GTF2IRD1: variants seen among roughly 807,000 people sequenced by gnomAD.
The protein encoded by GTF2IRD1 is general transcription factor II-I repeat domain-containing protein 1.
GTF2IRD1 carries 26 observed loss-of-function variants against 113.2 expected under a neutral mutation model. That is an observed-to-expected ratio of 0.23 (90% CI 0.17 to 0.32). The LOEUF (loss-of-function observed/expected upper bound fraction) is 0.32. Ranked by LOEUF, GTF2IRD1 falls within the 10% of genes least tolerant of loss-of-function variation. The probability of loss-of-function intolerance (pLI) is 1.00; values close to 1 mark genes in which losing one functional copy is unlikely to be tolerated. For synonymous variants in GTF2IRD1, 484 were observed against 529.1 expected, an observed-to-expected ratio of 0.91 and a Z score of 1.17; for missense variants, 864 against 1,280.8, an observed-to-expected ratio of 0.67 and a Z score of 4.97.
intron 1 of GTF2IRD1, among the ~76,000 whole-genome samples, chr7:74,455,251 C>T (rs1584430166): frequency 2.0e-5 from 3 of 152,328 alleles, no homozygotes; most frequent in East Asian, 3.9e-4. Context: ...AGGGGTACCC[C>T]GGGATGGCCC....
At chr7:74,480,859 G>A (rs1226597525) in intron 1 of GTF2IRD1, among the ~76,000 whole-genome samples, 1 of 152,176 alleles carries the variant, frequency 6.6e-6, no homozygotes, top group Non-Finnish European at 1.5e-5. Flanking sequence ...GAGCTGAGAG[G>A]AGACAGCCCC....
At chr7:74,540,473 CG>C (rs1426872160) in intron 14 of GTF2IRD1, among the ~76,000 whole-genome samples, 1 of 151,436 alleles carries the variant, frequency 6.6e-6, no homozygotes, top group Non-Finnish European at 1.5e-5. Flanking sequence ...CAAGGCCCAG[CG>C]TCCTTCCCAG....
intron 8 of GTF2IRD1, among the ~76,000 whole-genome samples, chr7:74,525,050 AC>A (rs1554346942): frequency 6.6e-6 from 1 of 152,008 alleles, no homozygotes; most frequent in Non-Finnish European, 1.5e-5. Context: ...AAAAAAACAA[AC>A]AAAACAGATT....
chr7:74,481,998 G>C (rs1041322703), intron 1 of GTF2IRD1, among the ~76,000 whole-genome samples: 3 of 152,074 alleles, frequency 2.0e-5, no homozygotes, highest in Non-Finnish European at 4.4e-5. Flanking sequence ...CACAGGTGTG[G>C]GGTTTTGTCT....
intron 22 of GTF2IRD1, among the ~76,000 whole-genome samples, chr7:74,588,110 T>TC (rs1173450312): frequency 1.3e-4 from 19 of 148,166 alleles, no homozygotes; most frequent in African/African-American, 4.4e-4. Context: ...TCTTTTCTTT[T>TC]TTTTTTTTTT....
At chr7:74,496,266 ATGTGAGTGGGTATGCG>A (rs1370749292) in intron 1 of GTF2IRD1, among the ~76,000 whole-genome samples, 2 of 124,908 alleles carry the variant, frequency 1.6e-5, no homozygotes, top group African/African-American at 3.1e-5. Context: ...GTGTGTATGC[ATGTGAGTGGGTATGCG>A]TGTGTATGTG....
At chr7:74,498,687 G>A (rs1187837428) in intron 1 of GTF2IRD1, among the ~76,000 whole-genome samples, 2 of 149,738 alleles carry the variant, frequency 1.3e-5, no homozygotes, top group African/African-American at 2.5e-5. Flanking sequence ...CTGTGCCTGC[G>A]CGAGCTTCTC....
At chr7:74,560,981 TC>T (rs1799922642) in intron 22 of GTF2IRD1, among the ~76,000 whole-genome samples, 1 of 152,110 alleles carries the variant, frequency 6.6e-6, no homozygotes, top group Non-Finnish European at 1.5e-5. Context: ...TGCAGGGTGA[TC>T]CCAAACCCAG....
intron 1 of GTF2IRD1, among the ~76,000 whole-genome samples, chr7:74,461,445 G>A (rs2044858592): frequency 1.3e-5 from 2 of 152,120 alleles, no homozygotes; most frequent in Non-Finnish European, 2.9e-5. Context: ...AAGCAAGTCC[G>A]TATCTTTTCG....
intron 1 of GTF2IRD1, among the ~76,000 whole-genome samples, chr7:74,490,542 A>AGCCCCC: frequency 7.7e-6 from 1 of 129,900 alleles, no homozygotes; most frequent in African/African-American, 2.8e-5. Flanking sequence ...GAGAAAGGAT[A>AGCCCCC]CCCCCCCCCC....
chr7:74,477,882 GTGT>G (rs1562782966), intron 1 of GTF2IRD1, among the ~76,000 whole-genome samples: 1 of 152,158 alleles, frequency 6.6e-6, no homozygotes. Flanking sequence ...TTCCTCATCC[GTGT>G]TGTTCTGAGA....
chr7:74,592,081 AATT>A (rs1458555912), intron 24 of GTF2IRD1, among the ~76,000 whole-genome samples: 1 of 151,882 alleles, frequency 6.6e-6, no homozygotes, highest in Non-Finnish European at 1.5e-5. Flanking sequence ...TATATTTTTA[AATT>A]ATTATTTTAT....
intron 2 of GTF2IRD1, among the ~76,000 whole-genome samples, chr7:74,509,943 G>A (rs1012076246): frequency 3.3e-5 from 5 of 152,250 alleles, no homozygotes; most frequent in Admixed American, 3.3e-4. Context: ...TCAAAGTGCT[G>A]GGATTACAGG....
intron 1 of GTF2IRD1, among the ~76,000 whole-genome samples, chr7:74,456,539 C>T (rs1792986642): frequency 6.6e-6 from 1 of 152,034 alleles, no homozygotes; most frequent in African/African-American, 2.4e-5. Flanking sequence ...AAAAATTAGC[C>T]AGGCGTGGTG....
At chr7:74,547,381 C>T (rs1799005941) in intron 17 of GTF2IRD1, 95 bp downstream of exon 17, 4 of 927,152 alleles carry the variant, frequency 4.3e-6, no homozygotes, top group Non-Finnish European at 1.7e-6. Context: ...AATTCTTGTG[C>T]CTCAGCCACC....
intron 1 of GTF2IRD1, among the ~76,000 whole-genome samples, chr7:74,461,142 G>A (rs1554329108): frequency 6.6e-6 from 1 of 152,212 alleles, no homozygotes; most frequent in Non-Finnish European, 1.5e-5. Context: ...GGATGCCACA[G>A]CATGGGTGTG....
rs1019460874 is a variant in GTF2IRD1 at position 74,458,704 on chromosome 7, G to C, written c.-7+4528G>C. 4.6e-5 allele frequency among the ~76,000 whole-genome samples: 7 copies of C among 150,678 alleles called. No individual in the cohort carries two copies. In the East Asian group the frequency reaches 1.4e-3, roughly 29 times the overall value. ...GAGTCTTGCTTTGTTGCCCACGCTG[G>C]AGTGCAGTGGCACGATCCCAACTCA... On this transcript the variant is annotated intron_variant, in intron 1 of 26. Coordinates refer to ENST00000424337, the MANE Select transcript of GTF2IRD1 (RefSeq NM_005685.4).
At chr7:74,481,691 ACCTACT>A (rs751019717) in intron 1 of GTF2IRD1, among the ~76,000 whole-genome samples, 61 of 152,246 alleles carry the variant, frequency 4.0e-4, no homozygotes, top group Non-Finnish European at 6.9e-4. Context: ...GGTTGCCTGC[ACCTACT>A]CCTTGTTTAT....
chr7:74,458,031 C>T (rs1324488359), intron 1 of GTF2IRD1, among the ~76,000 whole-genome samples: 3 of 151,864 alleles, frequency 2.0e-5, no homozygotes, highest in East Asian at 1.9e-4. Context: ...CTACCACGCC[C>T]GGCTAATTTT....
Sources: gnomAD v4.1 joint callset for allele counts (sites outside exome capture counted in the v4.1 genomes callset) on GRCh38, gnomAD v4.1.1 for gene constraint, MANE v1.5 for transcripts, NCBI Gene and HGNC (gene_info 2026-07-23, HGNC 2026-07-21) for gene names.